RFC1: variants seen among roughly 807,000 people sequenced by gnomAD.
RFC1 encodes A1 140 kDa subunit.
A neutral mutation model predicts 137.4 loss-of-function variants in RFC1; 37 were observed. The ratio of observed to expected loss-of-function variants is 0.27; its 90% CI spans 0.21 to 0.35. The LOEUF (loss-of-function observed/expected upper bound fraction) is 0.35. RFC1 is among the 10% of genes least tolerant of loss of function. RFC1 has a pLI of 1.00. For missense variants in RFC1, 1,205 were observed against 1,358.5 expected (o/e 0.89, Z 1.78); for synonymous variants, 429 against 455.7 (o/e 0.94, Z 0.75).
chr4:39,324,274 G>C (rs1739655824), intron 6 of RFC1, among the ~76,000 whole-genome samples: 1 of 152,116 alleles, frequency 6.6e-6, no homozygotes, highest in Non-Finnish European at 1.5e-5. Flanking sequence ...AATTAGTAAA[G>C]ACATCTTCAG....
intron 4 of RFC1, among the ~76,000 whole-genome samples, chr4:39,334,339 T>C (rs1351203392): frequency 6.6e-6 from 1 of 152,186 alleles, no homozygotes; most frequent in African/African-American, 2.4e-5. Flanking sequence ...TTCTCTACTA[T>C]GACTTCTGAA....
At chr4:39,359,365 T>C (rs962084665) in intron 1 of RFC1, among the ~76,000 whole-genome samples, 1 of 152,146 alleles carries the variant, frequency 6.6e-6, no homozygotes, top group Non-Finnish European at 1.5e-5. Context: ...ATATATACAA[T>C]GGAATACTAC....
At chr4:39,310,840 TAA>T (rs773936702) in intron 12 of RFC1, among the ~76,000 whole-genome samples, 15 of 152,144 alleles carry the variant, frequency 9.9e-5, no homozygotes, top group Admixed American at 2.0e-4. Context: ...AACCTTTGCA[TAA>T]AGTCAACGTG....
intron 1 of RFC1, among the ~76,000 whole-genome samples, chr4:39,363,491 G>A (rs1741858385): frequency 6.6e-6 from 1 of 152,160 alleles, no homozygotes; most frequent in African/African-American, 2.4e-5. Flanking sequence ...ATTCCATTGT[G>A]TGAATACACG....
intron 22 of RFC1, among the ~76,000 whole-genome samples, chr4:39,292,839 G>A (rs995057805): frequency 2.0e-5 from 3 of 151,678 alleles, no homozygotes; most frequent in African/African-American, 7.3e-5. Flanking sequence ...GTAGAGACAG[G>A]GTTTCACCAT....
At chr4:39,324,148 C>T (rs1357099248) in intron 6 of RFC1, among the ~76,000 whole-genome samples, 2 of 151,750 alleles carry the variant, frequency 1.3e-5, no homozygotes, top group Non-Finnish European at 2.9e-5. Context: ...AATGGCCTTA[C>T]GTGATATTCA....
rs544729567 is a variant in RFC1, at chr4:39,298,951, C to A, written c.2808+1070G>T. 4.1e-4 allele frequency among the ~76,000 whole-genome samples: 63 copies of A among 152,266 alleles called. 2 individuals carry two copies. In the South Asian group the frequency reaches 4.1e-3, roughly 10 times the overall value. Reference sequence around the variant, plus strand: ...GGCCAACACTGTTGGGAACAGGCCCCCCAAAATCTGGCCATAAACAAAATC... The same window carrying A: ...GGCCAACACTGTTGGGAACAGGCCCACCAAAATCTGGCCATAAACAAAATC... On this transcript the variant is annotated intron_variant, in intron 21 of 24. Transcript: ENST00000349703.
intron 1 of RFC1, among the ~76,000 whole-genome samples, chr4:39,353,466 G>A (rs1199172771): frequency 7.0e-6 from 1 of 142,884 alleles, no homozygotes; most frequent in Non-Finnish European, 1.5e-5. Context: ...ATCCTCTTTT[G>A]TAAATCTCCT....
At chr4:39,292,026 A>G in intron 22 of RFC1, 174 bp from the exon 23 acceptor site, 1 of 604,078 alleles carries the variant, frequency 1.7e-6, no homozygotes. Flanking sequence ...GCACCACAGC[A>G]TGAGGGTAAT....
chr4:39,361,261 T>A (rs1741740321), intron 1 of RFC1, among the ~76,000 whole-genome samples: 1 of 151,884 alleles, frequency 6.6e-6, no homozygotes, highest in African/African-American at 2.4e-5. Context: ...TGGTGGCACA[T>A]GCCTGTAATC....
chr4:39,314,506 T>A (rs1353091487), intron 10 of RFC1, among the ~76,000 whole-genome samples: 1 of 151,968 alleles, frequency 6.6e-6, no homozygotes, highest in Non-Finnish European at 1.5e-5. Context: ...ACCCCTAGTA[T>A]CCTCAACCTC....
intron 21 of RFC1, among the ~76,000 whole-genome samples, chr4:39,296,697 A>G (rs1043178284): frequency 2.2e-4 from 33 of 151,464 alleles, no homozygotes; most frequent in Non-Finnish European, 4.6e-4. Flanking sequence ...ATTGTGAATA[A>G]TGCTGCAATA....
At position 39,365,297 on chromosome 4, in the gene RFC1, T is replaced by C. The variant is rs567126906; in HGVS notation, c.3+942A>G. Among the ~76,000 whole-genome samples, 724 of 132,444 alleles carry C rather than the reference T, an allele frequency of 5.5e-3. 5 individuals carry two copies. Among genetic ancestry groups the C allele is most frequent in the Non-Finnish European group, 8.5e-3 (515 of 60,740 alleles). The allele number at this position is 132,444 out of a possible 152,430, so 86.9% of individuals were successfully genotyped here. A position where few individuals can be genotyped will look rare whatever the true frequency, so the allele number is the denominator to read the frequency against. The stretch of plus-strand genomic sequence containing the variant: ...CAAAGGCCTGCAACGTTTCCCAGTG[T>C]GGCATAAAATTTTCACCGCCCCCCC... On this transcript the variant is annotated intron_variant, in intron 1 of 24. Coordinates refer to ENST00000349703, the MANE Select transcript of RFC1 (RefSeq NM_002913.5).
intron 24 of RFC1, 23 bp from the exon 25 acceptor site, chr4:39,288,867 A>C (rs1560583852): frequency 7.2e-7 from 1 of 1,395,910 alleles, no homozygotes. Flanking sequence ...AGATAACAAA[A>C]TAGTTAATAG....
intron 7 of RFC1, chr4:39,323,136 A>G (rs1355097736): frequency 1.3e-5 from 5 of 377,600 alleles, no homozygotes. Context: ...TTTGTGATAA[A>G]AGGTTCTGGT....
At chr4:39,298,039 G>T (rs1171784969) in intron 21 of RFC1, among the ~76,000 whole-genome samples, 1 of 152,166 alleles carries the variant, frequency 6.6e-6, no homozygotes, top group Non-Finnish European at 1.5e-5. Context: ...TCTGGGCCAG[G>T]TGCAGTGGCT....
chr4:39,319,494 C>T (rs1232525051), intron 9 of RFC1, among the ~76,000 whole-genome samples: 2 of 152,302 alleles, frequency 1.3e-5, no homozygotes, highest in East Asian at 1.9e-4. Context: ...GTAAAGTATT[C>T]GCACAGTATC....
chr4:39,313,623 G>C (rs1414638389), intron 10 of RFC1, among the ~76,000 whole-genome samples: 1 of 152,070 alleles, frequency 6.6e-6, no homozygotes, highest in Non-Finnish European at 1.5e-5. Context: ...ATTGTGGTGT[G>C]GCATATCTGA....
At position 39,323,401 on chromosome 4, in the gene RFC1, T is replaced by C. The variant is rs1214931015; in HGVS notation, c.659A>G (p.His220Arg). The C allele has an allele frequency of 6.2e-7, 1 of 1,614,092 alleles. No individual in the cohort carries two copies. Residue 220 changes from histidine (H) to arginine (R), a missense_variant, in exon 7 of 25, where the codon CAT becomes CGT. His to Arg is a conservative substitution (Grantham distance 29). Around this residue, in one of 3 missense-constraint regions of RFC1, gnomAD observed 962 missense variants for 1,035.3 expected, o/e 0.93. Transcript: ENST00000349703. ...TGTTCTGGCAAACTCTTCATCTTCA[T>C]GCAACTGCCTCTCCAGCTGTAAAAT... ...DEDAELERQL[H>R]EDEEFARTLA... is the part of the protein sequence containing the mutation.
Sources: allele counts gnomAD v4.1 joint callset (sites outside exome capture counted in the v4.1 genomes callset), GRCh38; gene constraint gnomAD v4.1.1; regional missense constraint gnomAD v4.1.1; transcripts MANE v1.5; gene names NCBI Gene and HGNC (gene_info 2026-07-23, HGNC 2026-07-21).